The following TJP1 variants were observed in gnomAD, a reference collection of about 807,000 sequenced individuals.
TJP1 encodes tight junction protein ZO-1.
A neutral mutation model predicts 194.2 loss-of-function variants in TJP1; 43 were observed. The ratio of observed to expected loss-of-function variants is 0.22; its 90% CI spans 0.17 to 0.29. The LOEUF (loss-of-function observed/expected upper bound fraction) is 0.29. Ranked by LOEUF, TJP1 falls within the 10% of genes least tolerant of loss-of-function variation. The pLI is 1.00. For synonymous variants in TJP1, 801 were observed against 779.0 expected, an observed-to-expected ratio of 1.03 and a Z score of -0.47; for missense variants, 1,971 against 2,185.7, an observed-to-expected ratio of 0.90 and a Z score of 1.96.
intron 2 of TJP1, among the ~76,000 whole-genome samples, chr15:29,900,192 G>C (rs960697394): frequency 1.3e-5 from 2 of 152,138 alleles, no homozygotes; most frequent in African/African-American, 4.8e-5. Flanking sequence ...AAGGCTCTGG[G>C]GCAGGAGTGT....
intron 1 of TJP1, among the ~76,000 whole-genome samples, chr15:29,818,797 G>C (rs1057203216): frequency 6.7e-6 from 1 of 149,884 alleles, no homozygotes; most frequent in African/African-American, 2.5e-5. Flanking sequence ...ATTACACCGC[G>C]CCCGGCCACG....
rs372265939 is a variant in TJP1 at position 29,773,235 on chromosome 15, T to C, written c.207A>G (p.Leu69=). 14 of 1,613,908 alleles carry C rather than the reference T, an allele frequency of 8.7e-6. No homozygotes were observed. The highest frequency in any genetic ancestry group is 1.1e-5 in the Non-Finnish European group (13 of 1,179,828). The change falls in exon 3 of 28, where the codon CTA becomes CTG. Residue 69 remains leucine (L), a splice_region_variant and synonymous_variant. Coordinates refer to ENST00000614355, the MANE Select transcript of TJP1 (RefSeq NM_001330239.4). ...VLKGGPAEGQ[L]QENDRVAMVN... is the part of the protein sequence containing the mutation. ...CCCACGATAAGCAGCACTCTTACTG[T>C]AGCTGTCCTTCAGCTGGTCCTCCTT...
intron 2 of TJP1, among the ~76,000 whole-genome samples, chr15:29,851,098 A>G (rs965710591): frequency 2.0e-5 from 3 of 152,194 alleles, no homozygotes; most frequent in Admixed American, 6.5e-5. Context: ...AGACTGTGCC[A>G]CTGCATTCCA....
In TJP1 at chr15:29,742,687, C is replaced by G. The variant is rs746259585; in HGVS notation, c.1105G>C (p.Glu369Gln). 1 of 1,590,938 alleles carries G rather than the reference C, an allele frequency of 6.3e-7. No homozygotes were observed. The highest frequency in any genetic ancestry group is 8.5e-7 in the Non-Finnish European group (1 of 1,169,912). ...ADDHTPKTVEEVTVERNEKQT... is the reference protein window; with the variant it reads ...ADDHTPKTVEQVTVERNEKQT... ...TTCTCATTTCTTTCAACTGTAACTT[C>G]TTCCACTGTTTTAGGTGTGTGATCA... Residue 369 changes from glutamate (E) to glutamine (Q), a missense_variant, in exon 9 of 28, where the codon GAA becomes CAA. Physicochemically the swap from Glu to Gln is conservative, Grantham distance 29. Around this residue, in one of 5 missense-constraint regions of TJP1, gnomAD observed 192 missense variants for 182.3 expected, o/e 1.05. Transcript: ENST00000614355.
At chr15:29,720,822 T>G (rs747029988) in intron 18 of TJP1, 114 bp from the exon 19 acceptor site, 11 of 803,462 alleles carry the variant, frequency 1.4e-5, no homozygotes, top group South Asian at 1.4e-4. Flanking sequence ...TCACATCTAC[T>G]TCTTGAAACT....
At chr15:29,823,343 G>A (rs1272611506), upstream of TJP1, 1 of 152,154 alleles carries the variant, frequency 6.6e-6, no homozygotes, top group African/African-American at 2.4e-5. Flanking sequence ...CAATGTTGAC[G>A]GCTTTGCTAA....
In TJP1 at chr15:29,742,622, T is replaced by TAA. The variant is rs756330770; in HGVS notation, c.1150+19_1150+20insTT. ...TCTACTTGCAAATGTTTCTTGAACT[T>TAA]AGTGTTTCGTTATGCTTACCTGGAA... On this transcript the variant is annotated intron_variant, in intron 9 of 27. Coordinates refer to ENST00000614355, the MANE Select transcript of TJP1 (RefSeq NM_001330239.4). 1 of 1,542,378 alleles carries TAA rather than the reference T, an allele frequency of 6.5e-7. No individual in the cohort carries two copies. The highest frequency in any genetic ancestry group is 1.4e-5 in the African/African-American group (1 of 71,326).
chr15:29,795,365 C>G (rs1221096082), intron 2 of TJP1, among the ~76,000 whole-genome samples: 2 of 148,806 alleles, frequency 1.3e-5, no homozygotes, highest in Non-Finnish European at 3.0e-5. Flanking sequence ...TGCAGTGAGC[C>G]ATGATGGTAC....
Position 29,905,360 on chromosome 15 carries a change from GA to G in TJP1, c.306+50871del, listed in dbSNP as rs886592207. Among the ~76,000 whole-genome samples, 26 of 152,174 alleles carry G rather than the reference GA, an allele frequency of 1.7e-4. 1 individual carries two copies. Among genetic ancestry groups the G allele is most frequent in the African/African-American group, 4.8e-4 (20 of 41,520 alleles). On this transcript the variant is annotated intron_variant, in intron 2 of 28. Transcript: ENST00000356107. ...AATGTTCCTCACAGGGTTAAAACTG[GA>G]AAAAAATCTAAATGTTCAAAAATTT...
intron 26 of TJP1, 151 bp downstream of exon 26, chr15:29,705,377 C>T (rs1285896163): frequency 3.9e-6 from 3 of 760,818 alleles, no homozygotes; most frequent in Non-Finnish European, 4.2e-6. Context: ...CCACTGCTTG[C>T]TTGCAACACC....
intron 2 of TJP1, among the ~76,000 whole-genome samples, chr15:29,879,086 C>T (rs375950582): frequency 2.0e-5 from 3 of 151,828 alleles, no homozygotes; most frequent in Admixed American, 1.3e-4. Flanking sequence ...ATTGTGCCAC[C>T]GCACTCCAGC....
intron 1 of TJP1, among the ~76,000 whole-genome samples, chr15:29,956,583 A>C (rs2055950754): frequency 6.6e-6 from 1 of 152,218 alleles, no homozygotes; most frequent in East Asian, 1.9e-4. Context: ...ATAGTACAAC[A>C]TTAAGATTTA....
At chr15:29,836,641 G>A (rs575572108) in intron 2 of TJP1, among the ~76,000 whole-genome samples, 2 of 152,268 alleles carry the variant, frequency 1.3e-5, no homozygotes, top group South Asian at 4.2e-4. Flanking sequence ...ACATAACATT[G>A]CTATGGTCTG....
At chr15:29,908,176 C>G (rs879919852) in intron 2 of TJP1, among the ~76,000 whole-genome samples, 1 of 145,896 alleles carries the variant, frequency 6.9e-6, no homozygotes. Flanking sequence ...TTTCGAAGGA[C>G]ATTTTCTATT....
At chr15:29,836,217 T>C (rs374990700) in intron 2 of TJP1, among the ~76,000 whole-genome samples, 1 of 152,088 alleles carries the variant, frequency 6.6e-6, no homozygotes, top group Non-Finnish European at 1.5e-5. Context: ...CAGTTTCAAC[T>C]GGACTTACTG....
intron 2 of TJP1, among the ~76,000 whole-genome samples, chr15:29,895,850 AAC>A (rs1285069236): frequency 2.0e-5 from 3 of 152,216 alleles, no homozygotes; most frequent in African/African-American, 7.2e-5. Flanking sequence ...GCTTATAAAC[AAC>A]AGTTATTTAT....
chr15:29,805,542 T>C (rs2049054868), intron 1 of TJP1, among the ~76,000 whole-genome samples: 1 of 152,140 alleles, frequency 6.6e-6, no homozygotes, highest in Non-Finnish European at 1.5e-5. Flanking sequence ...ATTCATTCAT[T>C]CATTCATTCA....
intron 2 of TJP1, among the ~76,000 whole-genome samples, chr15:29,891,301 A>C (rs2053300479): frequency 6.6e-6 from 1 of 152,232 alleles, no homozygotes; most frequent in Admixed American, 6.5e-5. Context: ...CCTACTCTCC[A>C]ATTCTGAGAT....
intron 25 of TJP1, among the ~76,000 whole-genome samples, chr15:29,707,141 C>T (rs140673879): frequency 5.3e-5 from 8 of 152,182 alleles, no homozygotes; most frequent in African/African-American, 1.9e-4. Flanking sequence ...GGCGAAGACC[C>T]TTGTATGGGC....
Sources: allele counts gnomAD v4.1 joint callset (sites outside exome capture counted in the v4.1 genomes callset), GRCh38; gene constraint gnomAD v4.1.1; regional missense constraint gnomAD v4.1.1; transcripts MANE v1.5; gene names NCBI Gene and HGNC (gene_info 2026-07-23, HGNC 2026-07-21).